Variants in KLC1 observed in about 807,000 individuals in gnomAD.
KLC1 encodes the protein kinesin 2 60/70kDa.
A neutral mutation model predicts 84.2 loss-of-function variants in KLC1; 30 were observed. The observed-to-expected ratio is 0.36, with a 90% CI of 0.27 to 0.48. The LOEUF (loss-of-function observed/expected upper bound fraction) is 0.48. KLC1 is among the 20% of genes least tolerant of loss of function. The probability of loss-of-function intolerance (pLI) is 0.99; values close to 1 mark genes in which losing one functional copy is unlikely to be tolerated. For missense variants in KLC1, 499 were observed against 805.4 expected (o/e 0.62, Z 4.60); for synonymous variants, 289 against 293.3 (o/e 0.99, Z 0.15).
intron 1 of KLC1, among the ~76,000 whole-genome samples, chr14:103,630,198 C>T (rs2076570076): frequency 6.6e-6 from 1 of 152,202 alleles, no homozygotes; most frequent in African/African-American, 2.4e-5. Flanking sequence ...TCCTGGAATG[C>T]TTTTTCCATG....
intron 15 of KLC1, chr14:103,696,788 G>T (rs1010127919): frequency 1.0e-6 from 1 of 985,354 alleles, no homozygotes; most frequent in Non-Finnish European, 1.2e-6. Context: ...CAGGGCGCGT[G>T]GTCCCTGAGG....
chr14:103,640,932 T>G (rs207475208), intron 1 of KLC1, among the ~76,000 whole-genome samples: 13 of 150,998 alleles, frequency 8.6e-5, no homozygotes, highest in Non-Finnish European at 1.8e-4. Context: ...TTACTATTAT[T>G]TTTTTTTTCT....
chr14:103,693,841 G>T lies in KLC1; in HGVS notation c.1848+1416G>T, dbSNP rs2273174. 7.0e-4 allele frequency: 971 copies of T among 1,381,308 alleles called. 11 individuals carry two copies. In the East Asian group the frequency reaches 0.017, roughly 24 times the overall value. The allele number at this position is 1,381,308 out of a possible 1,614,324, so 85.6% of individuals were successfully genotyped here. On this transcript the variant is annotated intron_variant, in intron 15 of 16. Coordinates refer to ENST00000334553, the MANE Select transcript of KLC1 (RefSeq NM_001394837.1). This position sits in a 1 kb window ranked among gnomAD's most constrained non-coding sequence, Gnocchi z 5.1. The stretch of plus-strand genomic sequence containing the variant: ...CCCAGTGCCAGGAGCCACCCCGACC[G>T]CGACCCGGCCAGGCTGGCTCAGGGA...
At chr14:103,663,170 C>T (rs2079436917) in intron 5 of KLC1, among the ~76,000 whole-genome samples, 1 of 151,010 alleles carries the variant, frequency 6.6e-6, no homozygotes, top group African/African-American at 2.4e-5. Flanking sequence ...AGCTCCGCCT[C>T]CCGGGTTCAC....
chr14:103,685,978 T>C (rs1181824494), intron 13 of KLC1: 3 of 1,116,720 alleles, frequency 2.7e-6, no homozygotes, highest in Non-Finnish European at 3.3e-6. Context: ...GTTGTTGCAA[T>C]GGCATGACGG....
chr14:103,698,531 C>T (rs2082771086), intron 15 of KLC1: 3 of 523,526 alleles, frequency 5.7e-6, no homozygotes, highest in African/African-American at 1.9e-5. Flanking sequence ...ATCACCTCTC[C>T]CCAAGGGCCA....
intron 1 of KLC1, among the ~76,000 whole-genome samples, chr14:103,635,383 C>T (rs749479172): frequency 1.7e-4 from 26 of 152,028 alleles, no homozygotes; most frequent in Non-Finnish European, 3.1e-4. Flanking sequence ...TCAGTTACTC[C>T]GAAGGCTGAG....
intron 1 of KLC1, among the ~76,000 whole-genome samples, chr14:103,650,116 T>A (rs540396259): frequency 7.9e-5 from 12 of 152,302 alleles, no homozygotes; most frequent in African/African-American, 2.9e-4. Flanking sequence ...AGGACTTTTT[T>A]TTTTTAAGGA....
chr14:103,690,686 G>A (rs1355785140), intron 14 of KLC1, among the ~76,000 whole-genome samples: 1 of 152,174 alleles, frequency 6.6e-6, no homozygotes, highest in Non-Finnish European at 1.5e-5. Context: ...CCTCAGTATC[G>A]GTTGCTTTAG....
At chr14:103,647,989 T>C (rs1254723003) in intron 1 of KLC1, among the ~76,000 whole-genome samples, 1 of 151,794 alleles carries the variant, frequency 6.6e-6, no homozygotes, top group African/African-American at 2.4e-5. Context: ...TCTCGCTCTT[T>C]TGGCAGGCTG....
At chr14:103,640,415 CAG>C (rs2077394224) in intron 1 of KLC1, among the ~76,000 whole-genome samples, 1 of 151,582 alleles carries the variant, frequency 6.6e-6, no homozygotes, top group African/African-American at 2.4e-5. Flanking sequence ...GGCTGGAGTG[CAG>C]TGGCGCGATC....
intron 14 of KLC1, 51 bp downstream of exon 14, chr14:103,687,262 C>T (rs1017910010): frequency 1.1e-5 from 16 of 1,479,070 alleles, no homozygotes; most frequent in Non-Finnish European, 1.4e-5. Flanking sequence ...GCTGCTGGGC[C>T]GCTTCTCTTC....
At chr14:103,697,016 A>T in intron 15 of KLC1, 1 of 985,462 alleles carries the variant, frequency 1.0e-6, no homozygotes, top group Non-Finnish European at 1.2e-6. Flanking sequence ...CCGAGCTTCC[A>T]GGCGTGTTTT....
intron 5 of KLC1, among the ~76,000 whole-genome samples, chr14:103,664,471 T>C (rs1318552835): frequency 6.6e-6 from 1 of 152,112 alleles, no homozygotes; most frequent in Non-Finnish European, 1.5e-5. Context: ...CATATTTCAC[T>C]GCAGGAATTT....
chr14:103,685,822 T>A, intron 13 of KLC1: 7 of 1,199,370 alleles, frequency 5.8e-6, no homozygotes, highest in Middle Eastern at 3.5e-4. Flanking sequence ...GTTCCTGATT[T>A]CTGTATACAT....
At chr14:103,638,632 C>G (rs1296088527) in intron 1 of KLC1, among the ~76,000 whole-genome samples, 1 of 148,190 alleles carries the variant, frequency 6.7e-6, no homozygotes, top group African/African-American at 2.5e-5. Flanking sequence ...CTTTGCTTCT[C>G]TGGCCTTTGC....
In KLC1 at chr14:103,689,551, C is replaced by CCCT. The variant is rs2081971273; in HGVS notation, c.1781+2340_1781+2341insCCT. ...TTATTAACTAGACAGTAGTCTCAGACATCTTTTGGAGGGTTTGTTCAGACA... is the reference window on the plus strand; with the variant it reads ...TTATTAACTAGACAGTAGTCTCAGACCCTATCTTTTGGAGGGTTTGTTCAGACA... On this transcript the variant is annotated intron_variant, in intron 14 of 16. Transcript: ENST00000334553. 3.9e-5 allele frequency among the ~76,000 whole-genome samples: 6 copies of CCCT among 152,200 alleles called. No individual in the cohort carries two copies. In the South Asian group the frequency reaches 1.2e-3, roughly 32 times the overall value.
chr14:103,632,192 G>A (rs942762393), intron 1 of KLC1, among the ~76,000 whole-genome samples: 3 of 151,902 alleles, frequency 2.0e-5, no homozygotes, highest in African/African-American at 4.8e-5. Context: ...TTGGGAGGCC[G>A]AGGCAGGTGG....
chr14:103,698,393 AGG>A, intron 15 of KLC1: 2 of 289,710 alleles, frequency 6.9e-6, no homozygotes, highest in South Asian at 6.7e-5. Flanking sequence ...CCCAAGGCTG[AGG>A]GGGTCTGAGG....
Sources: allele counts gnomAD v4.1 joint callset (sites outside exome capture counted in the v4.1 genomes callset), GRCh38; gene constraint gnomAD v4.1.1; non-coding constraint Gnocchi (gnomAD v3.1); transcripts MANE v1.5; gene names NCBI Gene and HGNC (gene_info 2026-07-23, HGNC 2026-07-21).